Variants in DNAH7 observed in about 807,000 individuals in gnomAD.
DNAH7 encodes the protein axonemal beta dynein heavy chain 7.
In DNAH7, 397 loss-of-function variants were observed where a neutral mutation model predicts 444.6. The ratio of observed to expected loss-of-function variants is 0.89; its 90% confidence interval spans 0.82 to 0.97. DNAH7 has a LOEUF of 0.97. Among genes scored for constraint, DNAH7 ranks in the 50% least tolerant of loss-of-function variants. DNAH7 has a pLI of 0.00. For missense variants in DNAH7, 4,902 were observed against 4,800.8 expected (o/e 1.02, Z -0.62); for synonymous variants, 1,636 against 1,624.4 (o/e 1.01, Z -0.17).
At chr2:195,961,820 A>G (rs1282732250) in intron 17 of DNAH7, among the ~76,000 whole-genome samples, 1 of 152,166 alleles carries the variant, frequency 6.6e-6, no homozygotes. Flanking sequence ...AAAAAGTATT[A>G]TATTGCAAAA....
Position 196,019,125 on chromosome 2 carries a change from T to C in DNAH7, c.869+45A>G, listed in dbSNP as rs932388016. On this transcript the variant is annotated intron_variant, in intron 9 of 64. Coordinates refer to ENST00000312428, the MANE Select transcript of DNAH7 (RefSeq NM_018897.3). The stretch of plus-strand genomic sequence containing the variant: ...AATAATTAAGATATAGTAAAACAAC[T>C]TCCCTCTATATTTTAAAAACCTCTA... The C allele has an allele frequency of 2.9e-6, 4 of 1,378,034 alleles. No homozygotes were observed. In the African/African-American group the frequency reaches 5.9e-5, roughly 20 times the overall value. The allele number at this position is 1,378,034 out of a possible 1,614,324, so 85.4% of individuals were successfully genotyped here.
At chr2:195,776,210 G>A (rs890129555) in intron 59 of DNAH7, among the ~76,000 whole-genome samples, 12 of 152,104 alleles carry the variant, frequency 7.9e-5, no homozygotes, top group African/African-American at 4.8e-5. Context: ...TTGGGAGGCC[G>A]AGGCGGGTGG....
chr2:196,061,869 T>A, intron 1 of DNAH7, among the ~76,000 whole-genome samples: 1 of 152,222 alleles, frequency 6.6e-6, no homozygotes, highest in Non-Finnish European at 1.5e-5. Flanking sequence ...AAATCTGTTT[T>A]ATTTTTTGAA....
chr2:196,029,252 TTG>T (rs1491083893), intron 5 of DNAH7, among the ~76,000 whole-genome samples: 1 of 133,802 alleles, frequency 7.5e-6, no homozygotes, highest in African/African-American at 3.8e-5. Flanking sequence ...TCAGTAACTT[TTG>T]TTTGTTTGTT....
At chr2:195,950,370 C>T (rs909852817) in intron 19 of DNAH7, among the ~76,000 whole-genome samples, 16 of 152,110 alleles carry the variant, frequency 1.1e-4, no homozygotes, top group African/African-American at 3.9e-4. Context: ...TCCATTTCTT[C>T]TAGGTTTTGT....
intron 34 of DNAH7, 40 bp downstream of exon 34, chr2:195,886,101 T>A (rs780124988): frequency 1.3e-6 from 2 of 1,585,428 alleles, no homozygotes; most frequent in East Asian, 4.6e-5. Context: ...AGTAGATACC[T>A]GTCTTTCTGT....
At chr2:195,803,937 T>G (rs533566860) in intron 54 of DNAH7, among the ~76,000 whole-genome samples, 44 of 152,306 alleles carry the variant, frequency 2.9e-4, no homozygotes, top group African/African-American at 1.0e-3. Flanking sequence ...TGCAAGCCCA[T>G]CTCATTTTTT....
At chr2:195,829,934 C>T (rs1386394414) in intron 48 of DNAH7, among the ~76,000 whole-genome samples, 7 of 151,166 alleles carry the variant, frequency 4.6e-5, no homozygotes, top group South Asian at 2.1e-4. Flanking sequence ...TGCGTCTCAC[C>T]GGAAAATTTT....
chr2:195,886,476 C>T (rs1383603931), intron 33 of DNAH7, among the ~76,000 whole-genome samples: 1 of 152,026 alleles, frequency 6.6e-6, no homozygotes. Flanking sequence ...TTTAACCTTT[C>T]GCATCGATTC....
Position 195,822,383 on chromosome 2 carries a change from A to G in DNAH7, c.9291+1872T>C, listed in dbSNP as rs539224013. On this transcript the variant is annotated intron_variant, in intron 49 of 64. Transcript: ENST00000312428. ...ACATCAAGACTTTTCAAATCAAGCC[A>G]TTTATTCTCAAATAAACATTTAAGA... Among the ~76,000 whole-genome samples, 17 of 152,326 alleles carry G rather than the reference A, an allele frequency of 1.1e-4. 1 individual carries two copies. In the South Asian group the frequency reaches 3.5e-3, roughly 32 times the overall value.
In DNAH7 at chr2:195,756,113, G is replaced by A. The variant is rs185937309; in HGVS notation, c.11586+20C>T. 8 of 1,583,160 alleles carry A rather than the reference G, an allele frequency of 5.1e-6. No homozygotes were observed. The highest frequency in any genetic ancestry group is 4.1e-5 in the African/African-American group (3 of 73,952). On this transcript the variant is annotated intron_variant, in intron 62 of 64. Coordinates refer to ENST00000312428, the MANE Select transcript of DNAH7 (RefSeq NM_018897.3). The stretch of plus-strand genomic sequence containing the variant: ...AACCAGGAGAAACTTAACAATATAC[G>A]ATCATTTAGACGAACTTACCTGCAA...
At chr2:196,007,317 C>G (rs1364044435) in intron 10 of DNAH7, among the ~76,000 whole-genome samples, 1 of 152,190 alleles carries the variant, frequency 6.6e-6, no homozygotes, top group Non-Finnish European at 1.5e-5. Context: ...GCCAAGACAA[C>G]TCACTCAGAA....
At chr2:195,798,583 G>A (rs1026016632) in intron 55 of DNAH7, among the ~76,000 whole-genome samples, 40 of 124,392 alleles carry the variant, frequency 3.2e-4, no homozygotes, top group Non-Finnish European at 3.0e-4. Flanking sequence ...TCACTCTGTC[G>A]CCCAGGCTGG....
intron 19 of DNAH7, among the ~76,000 whole-genome samples, chr2:195,943,724 T>C (rs1166471165): frequency 4.6e-5 from 7 of 152,308 alleles, no homozygotes; most frequent in Middle Eastern, 3.4e-3. Context: ...TTGATGAAGA[T>C]AGTTCTGGTT....
chr2:195,876,438 TA>T (rs1032276535), intron 37 of DNAH7, 105 bp downstream of exon 37: 3 of 1,174,460 alleles, frequency 2.6e-6, no homozygotes, highest in Admixed American at 4.9e-5. Context: ...TTTGTGACAT[TA>T]AAAAACTATA....
At chr2:195,819,344 T>G (rs937075915) in intron 49 of DNAH7, among the ~76,000 whole-genome samples, 7 of 152,162 alleles carry the variant, frequency 4.6e-5, no homozygotes, top group African/African-American at 1.4e-4. Flanking sequence ...ACAGGGGTCG[T>G]CTCTTATTTG....
At chr2:195,793,747 T>C (rs1696002224) in intron 57 of DNAH7, among the ~76,000 whole-genome samples, 1 of 152,158 alleles carries the variant, frequency 6.6e-6, no homozygotes, top group South Asian at 2.1e-4. Flanking sequence ...CTTCCTAAAG[T>C]TCATAACCCC....
At chr2:195,837,407 C>CA (rs1188440906) in intron 47 of DNAH7, among the ~76,000 whole-genome samples, 1 of 152,018 alleles carries the variant, frequency 6.6e-6, no homozygotes, top group South Asian at 2.1e-4. Context: ...GAACAAAATA[C>CA]AAAAAACAAC....
rs1237550956 is a variant in DNAH7 at position 195,972,327 on chromosome 2, T to C, written c.1973A>G (p.Gln658Arg). Residue 658 changes from glutamine to arginine, a missense_variant, in exon 16 of 65, where the codon CAG becomes CGG. By Grantham distance (43) the Gln-to-Arg change is conservative. Coordinates refer to ENST00000312428, the MANE Select transcript of DNAH7 (RefSeq NM_018897.3). ...AATTTCTCCCATCCTTCCATACCAC[T>C]GGAAAACACTATTATTTAGCCTCAT... Reference protein sequence around the residue: ...ADMRLNNSVFQWYGRMGEIFE... With the variant: ...ADMRLNNSVFRWYGRMGEIFE... The C allele has an allele frequency of 1.2e-6, 2 of 1,614,128 alleles. No individual in the cohort carries two copies. The highest frequency in any genetic ancestry group is 4.5e-5 in the East Asian group (2 of 44,876).
Sources: allele counts gnomAD v4.1 joint callset (sites outside exome capture counted in the v4.1 genomes callset), GRCh38; gene constraint gnomAD v4.1.1; transcripts MANE v1.5; gene names NCBI Gene and HGNC (gene_info 2026-07-23, HGNC 2026-07-21).